Variants in ATG7 observed in about 807,000 individuals in gnomAD.
ATG7 encodes autophagy related 7, also known as ubiquitin-like modifier-activating enzyme ATG7.
A neutral mutation model predicts 82.4 loss-of-function variants in ATG7; 70 were observed. That is an observed-to-expected ratio of 0.85 (90% CI 0.70 to 1.04). The LOEUF is 1.04. Ranked by LOEUF, ATG7 falls within the 50% of genes least tolerant of loss-of-function variation. ATG7 has a pLI of 0.00. For synonymous variants in ATG7, 287 were observed against 313.0 expected (o/e 0.92, Z 0.88); for missense variants, 792 against 864.3 (o/e 0.92, Z 1.05).
chr3:11,391,690 G>A (rs1020831464), intron 19 of ATG7, among the ~76,000 whole-genome samples: 2 of 152,146 alleles, frequency 1.3e-5, no homozygotes, highest in Non-Finnish European at 2.9e-5. Flanking sequence ...GGGCAGGGAG[G>A]ACTTGGTTTA....
the ATG7 span, among the ~76,000 whole-genome samples, chr3:11,567,664 C>G: frequency 6.6e-6 from 1 of 152,200 alleles, no homozygotes; most frequent in Non-Finnish European, 1.5e-5. Flanking sequence ...TGATCCCAGA[C>G]ACCGATGTCA....
At position 11,317,584 on chromosome 3, in the gene ATG7, C is replaced by CTTTTTT. The variant is rs370026914; in HGVS notation, c.678+2106_678+2111dup. Reference sequence around the variant, plus strand: ...CGAAGCCTATGCCCTTTCTTTCTTTCTTTTTTTTTTTTTTTTTTTTGTTTT... The same window carrying CTTTTTT: ...CGAAGCCTATGCCCTTTCTTTCTTTCTTTTTTTTTTTTTTTTTTTTTTTTTTGTTTT... On this transcript the variant is annotated intron_variant, in intron 9 of 20. Transcript: ENST00000693202. 2.8e-3 allele frequency among the ~76,000 whole-genome samples: 323 copies of CTTTTTT among 114,430 alleles called. 1 individual carries two copies. Among genetic ancestry groups the CTTTTTT allele is most frequent in the Non-Finnish European group, 3.1e-3 (181 of 57,670 alleles). The allele number at this position is 114,430 out of a possible 152,430, so 75.1% of individuals were successfully genotyped here. A position where few individuals can be genotyped will look rare whatever the true frequency, so the allele number is the denominator to read the frequency against.
At chr3:11,448,872 TG>T (rs2084834147) in intron 20 of ATG7, among the ~76,000 whole-genome samples, 1 of 152,118 alleles carries the variant, frequency 6.6e-6, no homozygotes, top group Non-Finnish European at 1.5e-5. Flanking sequence ...AGGCAGGCCC[TG>T]GGGGTCTCTC....
intron 7 of ATG7, among the ~76,000 whole-genome samples, chr3:11,310,944 A>G (rs1559370496): frequency 6.6e-6 from 1 of 152,196 alleles, no homozygotes; most frequent in Non-Finnish European, 1.5e-5. Context: ...TAGGCTCTTT[A>G]CTGGGATAAA....
rs373328336 is a variant in ATG7 at position 11,310,607 on chromosome 3, C to CT, written c.411+1547dup. On this transcript the variant is annotated intron_variant, in intron 7 of 20. Transcript: ENST00000693202. ...CTTGGCTCAGTTTGGCATTAATAAT[C>CT]TGTCTATACGTTTGGGTAATTCTGT... Among the ~76,000 whole-genome samples, 28 of 151,294 alleles carry CT rather than the reference C, an allele frequency of 1.9e-4. No individual in the cohort carries two copies. In the East Asian group the frequency reaches 4.8e-3, roughly 26 times the overall value.
At chr3:11,402,211 C>G (rs2079902917) in intron 19 of ATG7, among the ~76,000 whole-genome samples, 1 of 152,154 alleles carries the variant, frequency 6.6e-6, no homozygotes, top group Admixed American at 6.5e-5. Context: ...GCAGGCAGAT[C>G]ACTTGAGGTC....
At position 11,307,063 on chromosome 3, in the gene ATG7, T is replaced by A; in HGVS notation, c.333+3T>A. 6.2e-7 allele frequency: 1 copy of A among 1,609,726 alleles called. No homozygotes were observed. The highest frequency in any genetic ancestry group is 8.5e-7 in the Non-Finnish European group (1 of 1,175,994). Reference sequence around the variant, plus strand: ...TTTTGGAACAAGCAGCAAATGAGGTTAGCTGTGAAAACGTGATGTATGTGT... The same window carrying A: ...TTTTGGAACAAGCAGCAAATGAGGTAAGCTGTGAAAACGTGATGTATGTGT... On this transcript the variant is annotated splice_donor_region_variant and intron_variant, in intron 6 of 20. Coordinates refer to ENST00000693202, the MANE Select transcript of ATG7 (RefSeq NM_001349232.2).
intron 20 of ATG7, among the ~76,000 whole-genome samples, chr3:11,469,878 T>G (rs2087256501): frequency 6.7e-6 from 1 of 150,332 alleles, no homozygotes; most frequent in African/African-American, 2.5e-5. Flanking sequence ...TAATCCCAGC[T>G]ACTTGGAAGG....
At chr3:11,536,015 A>G (rs867368772) in intron 20 of ATG7, among the ~76,000 whole-genome samples, 3 of 152,122 alleles carry the variant, frequency 2.0e-5, no homozygotes, top group African/African-American at 4.8e-5. Flanking sequence ...GAGCCCCCCA[A>G]CTGCTGGGGC....
chr3:11,552,128 T>C (rs1434498742), intron 20 of ATG7, among the ~76,000 whole-genome samples: 1 of 152,258 alleles, frequency 6.6e-6, no homozygotes, highest in Non-Finnish European at 1.5e-5. Flanking sequence ...TTTTATATCT[T>C]GCTCTTACTA....
intron 19 of ATG7, among the ~76,000 whole-genome samples, chr3:11,380,292 A>G (rs896987941): frequency 6.6e-6 from 1 of 152,178 alleles, no homozygotes; most frequent in Non-Finnish European, 1.5e-5. Flanking sequence ...CTCTGTATCA[A>G]TACTTGCATC....
intron 11 of ATG7, among the ~76,000 whole-genome samples, chr3:11,335,493 G>A (rs890583811): frequency 1.5e-4 from 23 of 152,308 alleles, no homozygotes; most frequent in African/African-American, 5.5e-4. Flanking sequence ...GTGGTCTTAG[G>A]GAATGAGGTG....
intron 20 of ATG7, among the ~76,000 whole-genome samples, chr3:11,433,909 G>A (rs2083138696): frequency 6.6e-6 from 1 of 152,168 alleles, no homozygotes; most frequent in Non-Finnish European, 1.5e-5. Context: ...CAGACCAGCA[G>A]AAATGAACAG....
intron 20 of ATG7, among the ~76,000 whole-genome samples, chr3:11,456,708 A>G (rs937900967): frequency 2.0e-5 from 3 of 152,200 alleles, no homozygotes; most frequent in Non-Finnish European, 2.9e-5. Context: ...AAAAGCCACA[A>G]TTACTGTTTG....
chr3:11,460,459 T>A (rs2086198605), intron 20 of ATG7, among the ~76,000 whole-genome samples: 1 of 152,190 alleles, frequency 6.6e-6, no homozygotes, highest in African/African-American at 2.4e-5. Flanking sequence ...CAACAATGCC[T>A]GATGTGGGCA....
chr3:11,276,426 A>G (rs1454114925), intron 1 of ATG7, among the ~76,000 whole-genome samples: 1 of 151,732 alleles, frequency 6.6e-6, no homozygotes, highest in Non-Finnish European at 1.5e-5. Flanking sequence ...TTCTCTGTTT[A>G]CTCTCATTTT....
chr3:11,358,775 C>A (rs2606736), intron 15 of ATG7, among the ~76,000 whole-genome samples, 163 bp downstream of exon 15: 3 of 152,150 alleles, frequency 2.0e-5, no homozygotes, highest in African/African-American at 7.2e-5. Context: ...GCCTCGCACA[C>A]CATCACCCAA....
intron 20 of ATG7, among the ~76,000 whole-genome samples, chr3:11,479,056 G>C (rs991613930): frequency 7.4e-6 from 1 of 135,608 alleles, no homozygotes; most frequent in African/African-American, 2.6e-5. Flanking sequence ...TTACTTTGTG[G>C]ATACTGGCCA....
chr3:11,448,321 G>A (rs2084774780), intron 20 of ATG7, among the ~76,000 whole-genome samples: 3 of 152,122 alleles, frequency 2.0e-5, no homozygotes. Context: ...ATGCTCTCCT[G>A]AGGCCACCTC....
Sources: allele counts gnomAD v4.1 joint callset (sites outside exome capture counted in the v4.1 genomes callset), GRCh38; gene constraint gnomAD v4.1.1; transcripts MANE v1.5; gene names NCBI Gene and HGNC (gene_info 2026-07-23, HGNC 2026-07-21).